The following MKX variants were observed in gnomAD, a reference collection of about 807,000 sequenced individuals.
MKX encodes mohawk homeobox.
A neutral mutation model predicts 36.0 loss-of-function variants in MKX; 13 were observed. The ratio of observed to expected loss-of-function variants is 0.36; its 90% CI spans 0.24 to 0.57. The LOEUF is 0.57. Ranked by LOEUF, MKX falls within the 20% of genes least tolerant of loss-of-function variation. The pLI, the probability that MKX is intolerant of heterozygous loss-of-function variation, is 0.79. For synonymous variants in MKX, 176 were observed against 178.3 expected (o/e 0.99, Z 0.10); for missense variants, 458 against 456.4 (o/e 1.00, Z -0.03).
intron 5 of MKX, among the ~76,000 whole-genome samples, chr10:27,691,608 G>A (rs1040891296): frequency 6.6e-6 from 1 of 152,092 alleles, no homozygotes; most frequent in Admixed American, 6.5e-5. Context: ...TGTTACACAG[G>A]TATATTGTGT....
Position 27,675,044 on chromosome 10 carries a change from G to A in MKX, c.*185C>T. On this transcript the variant is annotated 3_prime_UTR_variant, in exon 7 of 7. Coordinates refer to ENST00000419761, the MANE Select transcript of MKX (RefSeq NM_173576.3). ...TAACATAAAATAAGTTAATATTTTTGATTAAAATGAGTTTTTTATAATTTA... is the reference window on the plus strand; with the variant it reads ...TAACATAAAATAAGTTAATATTTTTAATTAAAATGAGTTTTTTATAATTTA... 1 of 495,354 alleles carries A rather than the reference G, an allele frequency of 2.0e-6. No individual in the cohort carries two copies. The highest frequency in any genetic ancestry group is 3.5e-6 in the Non-Finnish European group (1 of 288,556). The allele number at this position is 495,354 out of a possible 1,614,324, so 30.7% of individuals were successfully genotyped here. A position where few individuals can be genotyped will look rare whatever the true frequency, so the allele number is the denominator to read the frequency against.
Position 27,687,894 on chromosome 10 carries a change from T to C in MKX, c.839-12340A>G, listed in dbSNP as rs112181345. On this transcript the variant is annotated intron_variant, in intron 5 of 6. Transcript: ENST00000419761. The stretch of plus-strand genomic sequence containing the variant: ...TCTCGTTTCTATTCTTGGCTCTTGG[T>C]ATTCACCACGAGGGTGGTCTGGAGG... Among the ~76,000 whole-genome samples the C allele has an allele frequency of 9.7e-3, 1,478 of 152,302 alleles. 28 individuals are homozygous for C. The highest frequency in any genetic ancestry group is 0.033 in the African/African-American group (1,362 of 41,572).
At chr10:27,731,307 G>T (rs1042042188) in intron 5 of MKX, among the ~76,000 whole-genome samples, 1 of 152,118 alleles carries the variant, frequency 6.6e-6, no homozygotes, top group South Asian at 2.1e-4. Context: ...TTTAGGTGAG[G>T]AAAGAAAGAT....
chr10:27,739,123 A>G (rs1190495337), intron 3 of MKX, among the ~76,000 whole-genome samples: 1 of 151,962 alleles, frequency 6.6e-6, no homozygotes, highest in Non-Finnish European at 1.5e-5. Flanking sequence ...TCTACTCATT[A>G]CTCCTTGATA....
Position 27,742,604 on chromosome 10 carries a change from C to A in MKX, c.188+624G>T, listed in dbSNP as rs1834928762. ...ACCGGCAGTCTGAGCAGCTGGCCCA[C>A]CCGCAAGCTACCGCCCCCCCCAGCA... On this transcript the variant is annotated intron_variant, in intron 2 of 6. Coordinates refer to ENST00000419761, the MANE Select transcript of MKX (RefSeq NM_173576.3). The surrounding 1 kb of genome is among the most constrained non-coding windows in gnomAD (Gnocchi z 4.2). Among the ~76,000 whole-genome samples, 2 of 151,848 alleles carry A rather than the reference C, an allele frequency of 1.3e-5. No individual in the cohort carries two copies. Among genetic ancestry groups the A allele is most frequent in the African/African-American group, 4.8e-5 (2 of 41,440 alleles).
intron 5 of MKX, among the ~76,000 whole-genome samples, chr10:27,682,221 GAA>G (rs1308132448): frequency 1.3e-4 from 20 of 152,126 alleles, no homozygotes; most frequent in African/African-American, 4.8e-4. Context: ...AGGATATAAA[GAA>G]AATATTTTCA....
chr10:27,692,745 T>C (rs1045386490), intron 5 of MKX, among the ~76,000 whole-genome samples: 1 of 152,242 alleles, frequency 6.6e-6, no homozygotes, highest in Non-Finnish European at 1.5e-5. Context: ...TGGAATATTT[T>C]ATTCAGGCCT....
At chr10:27,678,010 C>T (rs1410684708) in intron 5 of MKX, among the ~76,000 whole-genome samples, 3 of 152,214 alleles carry the variant, frequency 2.0e-5, no homozygotes, top group Non-Finnish European at 2.9e-5. Flanking sequence ...AAAGAATGAT[C>T]ATTTGTAATT....
In MKX at chr10:27,744,277, C is replaced by T. The variant is rs375421176; in HGVS notation, c.-82-780G>A. On this transcript the variant is annotated intron_variant, in intron 1 of 6. Coordinates refer to ENST00000419761, the MANE Select transcript of MKX (RefSeq NM_173576.3). This position sits in a 1 kb window ranked among gnomAD's most constrained non-coding sequence, Gnocchi z 5.6. ...AGGTCCCCAGAGCCCTCAATCAGTG[C>T]CATTCTCTTCCGCAGCGCGGGTGTC... Among the ~76,000 whole-genome samples the T allele has an allele frequency of 6.6e-6, 1 of 152,160 alleles. No individual in the cohort carries two copies. The highest frequency in any genetic ancestry group is 1.9e-4 in the East Asian group (1 of 5,158).
chr10:27,672,977 A>C lies in MKX; in HGVS notation c.*2252T>G, dbSNP rs1836077439. ...TATGGCAAAACAAAGAATAGAGGTA[A>C]TTCTATTTCTCTACAACATAAATTA... On this transcript the variant is annotated 3_prime_UTR_variant, in exon 7 of 7. Transcript: ENST00000419761. 6.6e-6 allele frequency: 1 copy of C among 152,226 alleles called. No homozygotes were observed. The highest frequency in any genetic ancestry group is 1.5e-5 in the Non-Finnish European group (1 of 68,032). 9.4% of individuals were successfully genotyped at this position (152,226 alleles called of 1,614,324 possible).
At chr10:27,730,061 A>T (rs1180163037) in intron 5 of MKX, among the ~76,000 whole-genome samples, 1 of 152,198 alleles carries the variant, frequency 6.6e-6, no homozygotes, top group African/African-American at 2.4e-5. Flanking sequence ...CTCACATGAT[A>T]AAAACAAATT....
chr10:27,686,469 G>T (rs1836356193), intron 5 of MKX, among the ~76,000 whole-genome samples: 1 of 151,780 alleles, frequency 6.6e-6, no homozygotes, highest in Non-Finnish European at 1.5e-5. Context: ...GAGAAGAGAA[G>T]AGAAGAGAAA....
At chr10:27,713,707 C>T (rs959979830) in intron 5 of MKX, among the ~76,000 whole-genome samples, 2 of 152,004 alleles carry the variant, frequency 1.3e-5, no homozygotes, top group Non-Finnish European at 2.9e-5. Context: ...CAGTGCAACA[C>T]AATATACGGT....
chr10:27,673,217 G>A lies in MKX; in HGVS notation c.*2012C>T, dbSNP rs1169671300. On this transcript the variant is annotated 3_prime_UTR_variant, in exon 7 of 7. Transcript: ENST00000419761. ...AACCTTTGGTATTAAAAAAAATCATGTGAATAGTTGTCCTATATTGCCTTG... is the reference window on the plus strand; with the variant it reads ...AACCTTTGGTATTAAAAAAAATCATATGAATAGTTGTCCTATATTGCCTTG... The A allele has an allele frequency of 2.0e-5, 3 of 152,104 alleles. No homozygotes were observed. The highest frequency in any genetic ancestry group is 7.2e-5 in the African/African-American group (3 of 41,430). 9.4% of individuals were successfully genotyped at this position (152,104 alleles called of 1,614,324 possible).
intron 3 of MKX, 127 bp from the exon 4 acceptor site, chr10:27,735,501 T>A: frequency 1.5e-6 from 1 of 652,438 alleles, no homozygotes; most frequent in Non-Finnish European, 2.5e-6. Flanking sequence ...GACATAAGAA[T>A]ACCGGACATT....
intron 5 of MKX, among the ~76,000 whole-genome samples, chr10:27,697,321 A>T (rs1027437492): frequency 6.6e-6 from 1 of 152,210 alleles, no homozygotes; most frequent in Non-Finnish European, 1.5e-5. Context: ...GGAAAACTAT[A>T]CTTTGCATGC....
chr10:27,732,872 C>A (rs140064677), intron 5 of MKX, among the ~76,000 whole-genome samples: 2 of 151,950 alleles, frequency 1.3e-5, no homozygotes, highest in African/African-American at 4.8e-5. Context: ...CTCAGCCTCC[C>A]AAGTAGATGG....
chr10:27,675,677 G>T, intron 5 of MKX, 123 bp from the exon 6 acceptor site: 2 of 1,031,674 alleles, frequency 1.9e-6, no homozygotes, highest in Non-Finnish European at 2.8e-6. Context: ...AAATTAGTTC[G>T]CTTTTAATAA....
intron 5 of MKX, among the ~76,000 whole-genome samples, chr10:27,725,730 C>T (rs771665910): frequency 4.0e-5 from 6 of 151,346 alleles, no homozygotes; most frequent in Non-Finnish European, 7.4e-5. Context: ...ATTAGAATGT[C>T]TTGTTATTTT....
Sources: allele counts gnomAD v4.1 joint callset (sites outside exome capture counted in the v4.1 genomes callset), GRCh38; gene constraint gnomAD v4.1.1; non-coding constraint Gnocchi (gnomAD v3.1); transcripts MANE v1.5; gene names NCBI Gene and HGNC (gene_info 2026-07-23, HGNC 2026-07-21).